Variants in FILIP1 observed in about 807,000 individuals in gnomAD.
The protein encoded by FILIP1 is filamin-A-interacting protein 1.
Under a neutral mutation model 102.1 loss-of-function variants are expected in FILIP1, and 61 were observed. The ratio of observed to expected loss-of-function variants is 0.60; its 90% CI spans 0.49 to 0.74. The LOEUF (loss-of-function observed/expected upper bound fraction) is 0.74. Among genes scored for constraint, FILIP1 ranks in the 30% least tolerant of loss-of-function variants. The probability of loss-of-function intolerance (pLI) is 0.00; values close to 1 mark genes in which losing one functional copy is unlikely to be tolerated. For synonymous variants in FILIP1, 491 were observed against 526.9 expected (o/e 0.93, Z 0.93); for missense variants, 1,314 against 1,441.2 (o/e 0.91, Z 1.43).
At chr6:75,293,289 T>C (rs1772586272) in exon 7 of FILIP1, 1 of 152,320 alleles carries the variant, frequency 6.6e-6, no homozygotes, top group African/African-American at 2.4e-5. Flanking sequence ...AGAGAAATTT[T>C]ATGAGCCTAG....
chr6:75,398,574 A>C (rs1280399727), intron 2 of FILIP1, among the ~76,000 whole-genome samples: 4 of 152,188 alleles, frequency 2.6e-5, no homozygotes, highest in Admixed American at 2.0e-4. Flanking sequence ...AGTGACTTTC[A>C]AGAGTGTCCC....
intron 2 of FILIP1, chr6:75,384,907 G>T (rs1036566098): frequency 1.4e-5 from 2 of 148,098 alleles, no homozygotes; most frequent in South Asian, 4.3e-4. Context: ...TGATCCCCGC[G>T]CCTCAGCCTC....
chr6:75,295,853 C>T (rs1582298104), exon 7 of FILIP1: 3 of 1,178,942 alleles, frequency 2.5e-6, no homozygotes, highest in East Asian at 3.1e-5. Context: ...GAGGGCTGTC[C>T]ATTCAATAGG....
At chr6:75,389,601 G>C (rs1214413939) in intron 2 of FILIP1, among the ~76,000 whole-genome samples, 1 of 152,106 alleles carries the variant, frequency 6.6e-6, no homozygotes, top group Non-Finnish European at 1.5e-5. Context: ...TTAGTATTAG[G>C]AGGGTGTATG....
At chr6:75,319,830 CCAAA>C (rs1160323810) in intron 4 of FILIP1, 2 of 334,736 alleles carry the variant, frequency 6.0e-6, no homozygotes, top group Non-Finnish European at 1.1e-5. Context: ...ACTCCGTCCC[CCAAA>C]AAAAAAAAGA....
chr6:75,450,815 C>T (rs1486685058), intron 1 of FILIP1, among the ~76,000 whole-genome samples: 1 of 151,896 alleles, frequency 6.6e-6, no homozygotes, highest in Non-Finnish European at 1.5e-5. Flanking sequence ...ATTAGCCGGG[C>T]ATGGTGGTGC....
chr6:75,457,634 C>CTCTCTCTG (rs1171922100), intron 1 of FILIP1, among the ~76,000 whole-genome samples: 1 of 152,090 alleles, frequency 6.6e-6, no homozygotes, highest in African/African-American at 2.4e-5. Context: ...CTCTCTCTCT[C>CTCTCTCTG]TCTCTCTCTC....
chr6:75,343,566 G>A (rs1467172021), intron 4 of FILIP1, among the ~76,000 whole-genome samples: 3 of 152,162 alleles, frequency 2.0e-5, no homozygotes, highest in Non-Finnish European at 4.4e-5. Context: ...AAGAAGAGGG[G>A]TGATAAACAA....
chr6:75,369,270 G>A (rs1301659843), intron 2 of FILIP1, among the ~76,000 whole-genome samples: 1 of 152,162 alleles, frequency 6.6e-6, no homozygotes, highest in Non-Finnish European at 1.5e-5. Flanking sequence ...GTGACCAAAT[G>A]TCCCAGATTG....
chr6:75,420,637 T>G lies in FILIP1; in HGVS notation c.-6-5659A>C, dbSNP rs77549321. On this transcript the variant is annotated intron_variant, in intron 1 of 5. Transcript: ENST00000237172. ...GTCACTGATTACAAATTATGTCTGG[T>G]ATATTTTATTTTTATATCTTCACTC... Among the ~76,000 whole-genome samples, 1,135 of 152,294 alleles carry G rather than the reference T, an allele frequency of 7.5e-3. 42 individuals are homozygous for G. The East Asian group carries it at 0.12, about 16-fold the overall frequency.
At chr6:75,300,964 C>A (rs948083615) in intron 6 of FILIP1, among the ~76,000 whole-genome samples, 3 of 152,102 alleles carry the variant, frequency 2.0e-5, no homozygotes, top group African/African-American at 7.2e-5. Context: ...TTTACAGATA[C>A]AAGCAAATTT....
At chr6:75,445,823 T>A (rs990545759) in intron 1 of FILIP1, among the ~76,000 whole-genome samples, 1 of 151,624 alleles carries the variant, frequency 6.6e-6, no homozygotes, top group South Asian at 2.1e-4. Context: ...TTGAACACAT[T>A]TTTCCTTCTT....
intron 1 of FILIP1, among the ~76,000 whole-genome samples, chr6:75,440,733 T>A (rs2149719430): frequency 6.6e-6 from 1 of 152,270 alleles, no homozygotes; most frequent in Middle Eastern, 3.4e-3. Context: ...GGCAATCACC[T>A]GAGTTCAGGA....
chr6:75,361,692 C>G (rs1775177974), intron 3 of FILIP1, among the ~76,000 whole-genome samples: 3 of 152,184 alleles, frequency 2.0e-5, no homozygotes, highest in Non-Finnish European at 4.4e-5. Context: ...GAGGTGGACA[C>G]TGTGGTTCCT....
At chr6:75,448,736 A>C (rs2149731697) in intron 1 of FILIP1, among the ~76,000 whole-genome samples, 1 of 152,334 alleles carries the variant, frequency 6.6e-6, no homozygotes, top group South Asian at 2.1e-4. Context: ...CAAACATATG[A>C]AAAAATGCTC....
At position 75,313,162 on chromosome 6, in the gene FILIP1, T is replaced by C. The variant is rs199510768; in HGVS notation, c.2670A>G (p.Thr890=). Residue 890 remains threonine (T), a synonymous_variant, in exon 5 of 6, where the codon ACA becomes ACG. Coordinates refer to ENST00000237172, the MANE Select transcript of FILIP1 (RefSeq NM_015687.5). The surrounding 1 kb of genome is among the most constrained non-coding windows in gnomAD (Gnocchi z 4.2). ...PSITQEKGPR[T]NSSPGHPGEV... is the part of the protein sequence containing the mutation. ...CTCCTGGGTGCCCTGGACTGGAATT[T>C]GTTCGGGGCCCTTTCTCCTGAGTGA... The C allele has an allele frequency of 1.4e-5, 23 of 1,614,166 alleles. No homozygotes were observed. In the South Asian group the frequency reaches 1.5e-4, roughly 11 times the overall value.
At chr6:75,434,685 C>T (rs761522383) in intron 1 of FILIP1, among the ~76,000 whole-genome samples, 3 of 152,188 alleles carry the variant, frequency 2.0e-5, no homozygotes, top group Non-Finnish European at 4.4e-5. Context: ...TTATTTATTT[C>T]TCCTGCCTGA....
Position 75,348,472 on chromosome 6 carries a change from T to C in FILIP1, c.629+5067A>G, listed in dbSNP as rs559255223. Among the ~76,000 whole-genome samples, 4 of 152,352 alleles carry C rather than the reference T, an allele frequency of 2.6e-5. No individual in the cohort carries two copies. In the South Asian group the frequency reaches 6.2e-4, roughly 24 times the overall value. The stretch of plus-strand genomic sequence containing the variant: ...GGACTATAACTATTTGTAAAACAAA[T>C]ATGCAATCAATGATGGTAACAAATT... On this transcript the variant is annotated intron_variant, in intron 4 of 5. Coordinates refer to ENST00000237172, the MANE Select transcript of FILIP1 (RefSeq NM_015687.5).
chr6:75,435,740 A>G (rs1777996935), intron 1 of FILIP1, among the ~76,000 whole-genome samples: 3 of 152,214 alleles, frequency 2.0e-5, no homozygotes, highest in African/African-American at 7.2e-5. Flanking sequence ...CTGCTGAGTG[A>G]CTTTTCCCGT....
Sources: gnomAD v4.1 joint callset for allele counts (sites outside exome capture counted in the v4.1 genomes callset) on GRCh38, gnomAD v4.1.1 for gene constraint, Gnocchi (gnomAD v3.1) non-coding constraint, MANE v1.5 for transcripts, NCBI Gene and HGNC (gene_info 2026-07-23, HGNC 2026-07-21) for gene names.